GALNT13: variants seen among roughly 807,000 people sequenced by gnomAD.
GALNT13 encodes polypeptide N-acetylgalactosaminyltransferase 13.
A neutral mutation model predicts 64.2 loss-of-function variants in GALNT13; 28 were observed. The observed-to-expected ratio is 0.44, with a 90% CI of 0.32 to 0.60. GALNT13 has a LOEUF of 0.60. Ranked by LOEUF, GALNT13 falls within the 20% of genes least tolerant of loss-of-function variation. The pLI is 0.05. For missense variants in GALNT13, 577 were observed against 669.8 expected, an observed-to-expected ratio of 0.86 and a Z score of 1.53; for synonymous variants, 214 against 224.6, an observed-to-expected ratio of 0.95 and a Z score of 0.42.
chr2:153,976,941 A>T (rs1694113007), intron 3 of GALNT13, among the ~76,000 whole-genome samples: 1 of 152,138 alleles, frequency 6.6e-6, no homozygotes, highest in Non-Finnish European at 1.5e-5. Context: ...CACATTTTTT[A>T]AGCACTTGCA....
chr2:153,196,288 C>T, the GALNT13 span, among the ~76,000 whole-genome samples: 2 of 151,836 alleles, frequency 1.3e-5, no homozygotes, highest in Admixed American at 6.6e-5. Flanking sequence ...AGGCCAGTGC[C>T]AAGCTGCCCT....
At chr2:153,166,146 C>T in the GALNT13 span, among the ~76,000 whole-genome samples, 6 of 152,166 alleles carry the variant, frequency 3.9e-5, no homozygotes, top group Non-Finnish European at 7.3e-5. Flanking sequence ...CCACCTGTGG[C>T]AGACAGATTT....
At chr2:153,690,741 G>A in the GALNT13 span, among the ~76,000 whole-genome samples, 1 of 152,114 alleles carries the variant, frequency 6.6e-6, no homozygotes, top group African/African-American at 2.4e-5. Context: ...TCATGGTGTT[G>A]TGGTGAATGA....
chr2:154,052,002 T>A (rs1451594538), intron 3 of GALNT13, among the ~76,000 whole-genome samples: 2 of 152,162 alleles, frequency 1.3e-5, no homozygotes, highest in African/African-American at 4.8e-5. Context: ...TTTTTTTTTT[T>A]ACTTGTTCCT....
chr2:153,333,057 T>A, the GALNT13 span, among the ~76,000 whole-genome samples: 1 of 152,180 alleles, frequency 6.6e-6, no homozygotes, highest in African/African-American at 2.4e-5. Flanking sequence ...TGGAGGTCCC[T>A]ACCCTGCTCC....
At chr2:153,786,110 C>G in the GALNT13 span, among the ~76,000 whole-genome samples, 2 of 152,024 alleles carry the variant, frequency 1.3e-5, no homozygotes, top group African/African-American at 4.8e-5. Context: ...TCTCACTGGG[C>G]AGGGCTGCCT....
At position 154,450,688 on chromosome 2, in the gene GALNT13, C is replaced by T. The variant is rs867579244; in HGVS notation, c.*137C>T. Reference sequence around the variant, plus strand: ...TTCTAAAACACAATTGTTTCTAATTCGTTTCTAGAAATGTTTGCTTATTTC... The same window carrying T: ...TTCTAAAACACAATTGTTTCTAATTTGTTTCTAGAAATGTTTGCTTATTTC... On this transcript the variant is annotated 3_prime_UTR_variant, in exon 13 of 13. Transcript: ENST00000392825. 23 of 781,896 alleles carry T rather than the reference C, an allele frequency of 2.9e-5. No homozygotes were observed. The South Asian group carries it at 3.2e-4, about 11-fold the overall frequency. The allele number at this position is 781,896 out of a possible 1,614,324, so 48.4% of individuals were successfully genotyped here.
At chr2:153,210,330 T>C in the GALNT13 span, among the ~76,000 whole-genome samples, 2 of 152,216 alleles carry the variant, frequency 1.3e-5, no homozygotes, top group Admixed American at 6.5e-5. Context: ...TTTTAGTTTC[T>C]AGTTCACTGA....
At chr2:153,268,949 G>C in the GALNT13 span, among the ~76,000 whole-genome samples, 3 of 152,156 alleles carry the variant, frequency 2.0e-5, no homozygotes, top group Non-Finnish European at 4.4e-5. Context: ...CTAGACACAT[G>C]GAATCATTTA....
the GALNT13 span, among the ~76,000 whole-genome samples, chr2:153,314,728 C>T: frequency 2.6e-5 from 4 of 151,476 alleles, no homozygotes; most frequent in African/African-American, 9.7e-5. Flanking sequence ...TTGAGATAAA[C>T]AAAATAAAAA....
At chr2:154,156,230 A>G (rs539028652) in intron 4 of GALNT13, among the ~76,000 whole-genome samples, 10 of 152,188 alleles carry the variant, frequency 6.6e-5, no homozygotes, top group Non-Finnish European at 1.2e-4. Context: ...TCATCATACT[A>G]TATAAAATGG....
the GALNT13 span, among the ~76,000 whole-genome samples, chr2:153,500,116 G>C: frequency 6.6e-6 from 1 of 152,170 alleles, no homozygotes; most frequent in Admixed American, 6.5e-5. Context: ...CTGTCATTAA[G>C]ATAGGGATGA....
At chr2:153,801,331 CT>C in the GALNT13 span, among the ~76,000 whole-genome samples, 262 of 142,226 alleles carry the variant, frequency 1.8e-3, no homozygotes, top group East Asian at 7.0e-3. Flanking sequence ...TTTGACATGC[CT>C]TTTTTTTTTT....
the GALNT13 span, among the ~76,000 whole-genome samples, chr2:153,792,815 G>A: frequency 2.6e-5 from 4 of 151,968 alleles, no homozygotes; most frequent in Admixed American, 1.3e-4. Flanking sequence ...CATTTGATTT[G>A]TATTGTCAAA....
At chr2:153,663,362 T>C in the GALNT13 span, among the ~76,000 whole-genome samples, 1 of 152,114 alleles carries the variant, frequency 6.6e-6, no homozygotes, top group East Asian at 1.9e-4. Flanking sequence ...TTTAAGTGGG[T>C]AAGAGGAGGC....
intron 9 of GALNT13, among the ~76,000 whole-genome samples, chr2:154,333,574 T>C (rs1695282575): frequency 6.6e-6 from 1 of 152,114 alleles, no homozygotes; most frequent in East Asian, 1.9e-4. Flanking sequence ...CATCTTCAAT[T>C]GTGTAAAACA....
the GALNT13 span, among the ~76,000 whole-genome samples, chr2:153,201,972 T>A: frequency 7.5e-6 from 1 of 132,664 alleles, no homozygotes; most frequent in Non-Finnish European, 1.6e-5. Flanking sequence ...TCCACCCATT[T>A]CTTTTTTTTT....
At chr2:153,238,446 T>C in the GALNT13 span, among the ~76,000 whole-genome samples, 3 of 152,062 alleles carry the variant, frequency 2.0e-5, no homozygotes, top group Non-Finnish European at 4.4e-5. Context: ...GTTTTCTCTA[T>C]GAGTTTTACA....
At chr2:153,822,680 C>T in the GALNT13 span, among the ~76,000 whole-genome samples, 23 of 150,964 alleles carry the variant, frequency 1.5e-4, no homozygotes, top group African/African-American at 5.7e-4. Context: ...ACTGAATGGG[C>T]AAAAGCTGGA....
Sources: allele counts gnomAD v4.1 joint callset (sites outside exome capture counted in the v4.1 genomes callset), GRCh38; gene constraint gnomAD v4.1.1; transcripts MANE v1.5; gene names NCBI Gene and HGNC (gene_info 2026-07-23, HGNC 2026-07-21).